Variants in CLIP1 observed in about 807,000 individuals in gnomAD.
CLIP1 encodes CAP-Gly domain-containing linker protein 1.
CLIP1 carries 66 observed loss-of-function variants against 161.6 expected under a neutral mutation model. The observed-to-expected ratio is 0.41, with a 90% confidence interval of 0.33 to 0.50. The LOEUF is 0.50. Among genes scored for constraint, CLIP1 ranks in the 20% least tolerant of loss-of-function variants. CLIP1 has a pLI of 0.27. For synonymous variants in CLIP1, 598 were observed against 626.2 expected (o/e 0.96, Z 0.67); for missense variants, 1,376 against 1,702.0 (o/e 0.81, Z 3.37).
chr12:122,354,964 T>C (rs763752559), intron 6 of CLIP1, 151 bp downstream of exon 6: 1 of 689,028 alleles, frequency 1.5e-6, no homozygotes, highest in South Asian at 1.8e-5. Flanking sequence ...CACCCCAGAC[T>C]GTAGCTTTCA....
intron 1 of CLIP1, among the ~76,000 whole-genome samples, chr12:122,403,280 T>A (rs895238671): frequency 1.3e-5 from 2 of 152,114 alleles, no homozygotes; most frequent in Non-Finnish European, 2.9e-5. Context: ...ATACATAATG[T>A]ATAAGGAAGC....
In CLIP1 at chr12:122,298,477, G is replaced by A. The variant is rs533618254; in HGVS notation, c.3595-9936C>T. ...AAATTAGCTGGGCGTGGTGGTGGGC[G>A]TCTGTAGTCCCAGCTACTAGGGAGG... On this transcript the variant is annotated intron_variant, in intron 20 of 25. Transcript: ENST00000620786. Among the ~76,000 whole-genome samples, 252 of 151,806 alleles carry A rather than the reference G, an allele frequency of 1.7e-3. 1 individual carries two copies. The highest frequency in any genetic ancestry group is 2.5e-3 in the Non-Finnish European group (169 of 67,954).
intron 1 of CLIP1, among the ~76,000 whole-genome samples, chr12:122,389,967 TAA>T (rs1292422455): frequency 1.3e-5 from 2 of 149,150 alleles, no homozygotes; most frequent in African/African-American, 2.5e-5. Context: ...GTGGGTCATT[TAA>T]AAGTGTGTGG....
At chr12:122,291,468 G>T (rs981363900) in intron 20 of CLIP1, among the ~76,000 whole-genome samples, 1 of 152,210 alleles carries the variant, frequency 6.6e-6, no homozygotes, top group Non-Finnish European at 1.5e-5. Context: ...GGGATTACAG[G>T]TGTGAGCTAT....
upstream of CLIP1, chr12:122,422,769 G>C (rs1259392389): frequency 8.3e-6 from 1 of 120,198 alleles, no homozygotes; most frequent in Non-Finnish European, 2.0e-5. Context: ...CCGGCCCTGC[G>C]GCCCGCGCCC....
At chr12:122,383,888 T>C (rs1384218217) in intron 1 of CLIP1, among the ~76,000 whole-genome samples, 1 of 152,064 alleles carries the variant, frequency 6.6e-6, no homozygotes, top group Non-Finnish European at 1.5e-5. Flanking sequence ...CTGAGCATAT[T>C]TGAATTTTTG....
intron 5 of CLIP1, among the ~76,000 whole-genome samples, chr12:122,360,023 T>C (rs1054264950): frequency 4.6e-5 from 7 of 152,136 alleles, no homozygotes; most frequent in African/African-American, 1.7e-4. Flanking sequence ...AGTGATTCTA[T>C]TTTTACTGCT....
intron 5 of CLIP1, among the ~76,000 whole-genome samples, chr12:122,357,443 A>G (rs1019441040): frequency 1.5e-5 from 2 of 133,360 alleles, no homozygotes; most frequent in Non-Finnish European, 3.2e-5. Flanking sequence ...TCCGCCCGGC[A>G]GCCACCCCGT....
At chr12:122,358,744 TAAAAAAA>T (rs71082973) in intron 5 of CLIP1, among the ~76,000 whole-genome samples, 3,165 of 144,214 alleles carry the variant, frequency 0.022, 105 homozygotes, top group African/African-American at 0.079. Context: ...TAGTTGACTT[TAAAAAAA>T]AAAAAAAAAA....
At chr12:122,332,881 G>C (rs1367032585) in intron 15 of CLIP1, 106 bp downstream of exon 15, 1 of 869,642 alleles carries the variant, frequency 1.1e-6, no homozygotes, top group Admixed American at 2.9e-5. Flanking sequence ...ACAGAGACGG[G>C]AAACTTTAAA....
At chr12:122,333,242 C>A (rs1952069237) in intron 14 of CLIP1, 99 bp from the exon 15 acceptor site, 1 of 861,630 alleles carries the variant, frequency 1.2e-6, no homozygotes. Flanking sequence ...CACAGCAATT[C>A]TTGTCCTCAT....
chr12:122,356,619 C>T (rs181690597), intron 5 of CLIP1, among the ~76,000 whole-genome samples: 3,103 of 151,906 alleles, frequency 0.02, 106 homozygotes, highest in African/African-American at 0.066. Context: ...TCTCCCTCTC[C>T]CTCTCTCCCT....
At chr12:122,294,756 A>G (rs1451212580) in intron 20 of CLIP1, among the ~76,000 whole-genome samples, 1 of 151,592 alleles carries the variant, frequency 6.6e-6, no homozygotes, top group Non-Finnish European at 1.5e-5. Context: ...ATAATAAAAT[A>G]GATAAAAATA....
intron 17 of CLIP1, among the ~76,000 whole-genome samples, chr12:122,319,681 G>A (rs763022769): frequency 1.6e-4 from 25 of 152,300 alleles, no homozygotes; most frequent in African/African-American, 2.2e-4. Context: ...GAGACCGTTC[G>A]GAGGTAACAA....
intron 1 of CLIP1, among the ~76,000 whole-genome samples, chr12:122,394,531 A>G (rs891125547): frequency 1.4e-5 from 2 of 145,582 alleles, no homozygotes; most frequent in African/African-American, 5.0e-5. Context: ...GGGACAATTT[A>G]TCAAGTGTTT....
chr12:122,363,207 G>A (rs534618655), intron 4 of CLIP1, among the ~76,000 whole-genome samples: 51 of 152,192 alleles, frequency 3.4e-4, no homozygotes, highest in African/African-American at 1.2e-3. Context: ...AGGCAAGAAC[G>A]GGGTTATCCA....
At chr12:122,326,638 C>T (rs1049193093) in intron 17 of CLIP1, among the ~76,000 whole-genome samples, 10 of 152,066 alleles carry the variant, frequency 6.6e-5, no homozygotes, top group Admixed American at 1.3e-4. Context: ...ATGACTGTGC[C>T]GCTGCACTCA....
rs747383933 is a variant in CLIP1 at position 122,341,171 on chromosome 12, T to C, written c.2033A>G (p.Gln678Arg). 6.8e-6 allele frequency: 11 copies of C among 1,614,100 alleles called. No homozygotes were observed. In the African/African-American group the frequency reaches 1.3e-4, roughly 20 times the overall value. The stretch of plus-strand genomic sequence containing the variant: ...AGCCCGTTCAGAGTCTTGTTGATTC[T>C]GCAAATTTTCTATTTCGTGTTGGTA... ...LDYQHEIENL[Q>R]NQQDSERAAH... The change falls in exon 11 of 26, where the codon CAG becomes CGG. Residue 678 changes from glutamine to arginine, a missense_variant. Around this residue, in one of 6 missense-constraint regions of CLIP1, gnomAD observed 948 missense variants for 1,134.8 expected, o/e 0.84. Transcript: ENST00000620786.
intron 4 of CLIP1, 32 bp downstream of exon 4, chr12:122,363,951 T>C (rs1253982029): frequency 2.5e-6 from 4 of 1,613,090 alleles, no homozygotes; most frequent in African/African-American, 1.3e-5. Flanking sequence ...CGTACAAGAG[T>C]GACACAAGAT....
Sources: allele counts gnomAD v4.1 joint callset (sites outside exome capture counted in the v4.1 genomes callset), GRCh38; gene constraint gnomAD v4.1.1; regional missense constraint gnomAD v4.1.1; transcripts MANE v1.5; gene names NCBI Gene and HGNC (gene_info 2026-07-23, HGNC 2026-07-21).